The following PDE1A variants were observed in gnomAD, a reference collection of about 807,000 sequenced individuals.
PDE1A encodes phosphodiesterase 1A, also known as dual specificity calcium/calmodulin-dependent 3',5'-cyclic nucleotide phosphodiesterase 1A.
In PDE1A, 35 loss-of-function variants were observed where a neutral mutation model predicts 61.7. That is an observed-to-expected ratio of 0.57 (90% CI 0.43 to 0.75). The LOEUF is 0.75. Ranked by LOEUF, PDE1A falls within the 30% of genes least tolerant of loss-of-function variation. PDE1A has a pLI of 0.00. For missense variants in PDE1A, 597 were observed against 630.6 expected, an observed-to-expected ratio of 0.95 and a Z score of 0.57; for synonymous variants, 232 against 213.2, an observed-to-expected ratio of 1.09 and a Z score of -0.77.
At chr2:182,301,425 C>A (rs1390735329) in intron 1 of PDE1A, among the ~76,000 whole-genome samples, 2 of 152,160 alleles carry the variant, frequency 1.3e-5, no homozygotes, top group Non-Finnish European at 2.9e-5. Flanking sequence ...CTTTTATTAT[C>A]TCTCGAAGTG....
the PDE1A span, among the ~76,000 whole-genome samples, chr2:182,538,621 A>G: frequency 1.3e-5 from 2 of 152,194 alleles, no homozygotes; most frequent in Non-Finnish European, 2.9e-5. Context: ...AATTATGTAA[A>G]TATCTTATGA....
At chr2:182,386,433 T>C (rs923040812) in intron 1 of PDE1A, among the ~76,000 whole-genome samples, 1 of 149,958 alleles carries the variant, frequency 6.7e-6, no homozygotes, top group African/African-American at 2.5e-5. Context: ...TCGTCTGAGA[T>C]GTGGGGAGCA....
intron 2 of PDE1A, among the ~76,000 whole-genome samples, chr2:182,259,993 C>A (rs1473875120): frequency 6.6e-6 from 1 of 152,170 alleles, no homozygotes; most frequent in African/African-American, 2.4e-5. Context: ...TTGAAAATGT[C>A]TTTTAAAAAA....
chr2:182,691,132 C>T, the PDE1A span, among the ~76,000 whole-genome samples: 7 of 152,130 alleles, frequency 4.6e-5, no homozygotes, highest in Non-Finnish European at 8.8e-5. Flanking sequence ...TCAATGCCAT[C>T]CCCATCAAGC....
chr2:182,570,106 C>G, the PDE1A span, among the ~76,000 whole-genome samples: 1 of 152,104 alleles, frequency 6.6e-6, no homozygotes, highest in Non-Finnish European at 1.5e-5. Context: ...AAAATTGTCT[C>G]TATCTTATTC....
At chr2:182,550,041 A>T in the PDE1A span, among the ~76,000 whole-genome samples, 3 of 152,178 alleles carry the variant, frequency 2.0e-5, no homozygotes, top group African/African-American at 7.2e-5. Flanking sequence ...AAAAAGAGGA[A>T]CATTTTCTCT....
chr2:182,625,307 A>G, the PDE1A span, among the ~76,000 whole-genome samples: 1 of 152,230 alleles, frequency 6.6e-6, no homozygotes, highest in African/African-American at 2.4e-5. Flanking sequence ...ATAAAACACC[A>G]TATAATGACA....
chr2:182,152,142 T>C (rs921956487), intron 13 of PDE1A, among the ~76,000 whole-genome samples: 5 of 152,208 alleles, frequency 3.3e-5, no homozygotes, highest in Non-Finnish European at 7.3e-5. Flanking sequence ...ATATTACCTT[T>C]GCTATGTATA....
At chr2:182,581,618 G>T in the PDE1A span, among the ~76,000 whole-genome samples, 1 of 152,098 alleles carries the variant, frequency 6.6e-6, no homozygotes, top group South Asian at 2.1e-4. Flanking sequence ...CTGTTACAAA[G>T]AAATCAAAGA....
chr2:182,250,404 G>C (rs1691309415), intron 2 of PDE1A, among the ~76,000 whole-genome samples: 3 of 152,120 alleles, frequency 2.0e-5, no homozygotes, highest in African/African-American at 7.2e-5. Context: ...TAATACATTT[G>C]AAATGCCATA....
At chr2:182,141,882 G>C (rs1477009741) in exon 15 of PDE1A, 2 of 152,148 alleles carry the variant, frequency 1.3e-5, no homozygotes, top group African/African-American at 2.4e-5. Flanking sequence ...TGCAATGCTT[G>C]TACAGTGAAA....
At chr2:182,603,656 C>T in the PDE1A span, among the ~76,000 whole-genome samples, 7 of 152,180 alleles carry the variant, frequency 4.6e-5, no homozygotes, top group Non-Finnish European at 8.8e-5. Context: ...AGGTAAGAAG[C>T]TCAAGTAAAA....
At chr2:182,447,896 T>C (rs981902065) in intron 2 of PDE1A, among the ~76,000 whole-genome samples, 2 of 152,104 alleles carry the variant, frequency 1.3e-5, no homozygotes, top group African/African-American at 2.4e-5. Context: ...GTTTCATCCA[T>C]AGCCTGTCAT....
In PDE1A at chr2:182,502,410, T is replaced by C. The variant is rs149674557; in HGVS notation, c.101+19866A>G. Among the ~76,000 whole-genome samples the C allele has an allele frequency of 3.6e-3, 551 of 152,290 alleles. 1 individual carries two copies. The highest frequency in any genetic ancestry group is 0.013 in the African/African-American group (522 of 41,566). ...TTCTTACTCTCTACAGACCTGTAAA[T>C]GTTAGAATGCCAGAGAGCCCTCGAT... On this transcript the variant is annotated intron_variant, in intron 2 of 14. Coordinates refer to the PDE1A transcript ENST00000410103.
chr2:182,566,679 T>G, the PDE1A span, among the ~76,000 whole-genome samples: 4 of 152,134 alleles, frequency 2.6e-5, no homozygotes, highest in Admixed American at 1.3e-4. Context: ...AAGTTTATAT[T>G]TGAGTCCAAA....
chr2:182,157,019 A>AT (rs1188867398), intron 13 of PDE1A, among the ~76,000 whole-genome samples: 3,255 of 120,470 alleles, frequency 0.027, 124 homozygotes, highest in African/African-American at 0.14. Flanking sequence ...ATTTTATTTT[A>AT]TTTTTTTTTT....
At chr2:182,476,324 C>T (rs979623316) in intron 2 of PDE1A, among the ~76,000 whole-genome samples, 7 of 151,840 alleles carry the variant, frequency 4.6e-5, no homozygotes, top group African/African-American at 1.5e-4. Context: ...AACCCCGTCT[C>T]TACCAAAAAT....
At chr2:182,370,067 C>T (rs370913698) in intron 1 of PDE1A, among the ~76,000 whole-genome samples, 1 of 151,950 alleles carries the variant, frequency 6.6e-6, no homozygotes, top group Admixed American at 6.6e-5. Flanking sequence ...ATCCTAGCTA[C>T]TCGGGAGGCT....
At chr2:182,295,235 C>T (rs868303980) in intron 1 of PDE1A, among the ~76,000 whole-genome samples, 3 of 151,404 alleles carry the variant, frequency 2.0e-5, no homozygotes, top group Admixed American at 6.6e-5. Flanking sequence ...CCACCGCGCC[C>T]GGCTAATTTT....
Sources: allele counts gnomAD v4.1 joint callset (sites outside exome capture counted in the v4.1 genomes callset), GRCh38; gene constraint gnomAD v4.1.1; transcripts MANE v1.5; gene names NCBI Gene and HGNC (gene_info 2026-07-23, HGNC 2026-07-21).